SSPN: variants seen among roughly 807,000 people sequenced by gnomAD.
The protein encoded by SSPN is K-ras oncogene-associated protein.
In SSPN, 15 loss-of-function variants were observed where a neutral mutation model predicts 19.1. The ratio of observed to expected loss-of-function variants is 0.78; its 90% CI spans 0.52 to 1.21. The LOEUF (loss-of-function observed/expected upper bound fraction) is 1.21, where lower values mean the gene tolerates loss of function less well. Among genes scored for constraint, SSPN ranks in the 50% most tolerant of loss-of-function variants. SSPN has a pLI of 0.00. For synonymous variants in SSPN, 147 were observed against 140.3 expected (o/e 1.05, Z -0.34); for missense variants, 291 against 314.0 (o/e 0.93, Z 0.55).
rs1242934397 is a variant in SSPN at position 26,231,774 on chromosome 12, T to C, written c.*698T>C. 3.8e-6 allele frequency: 1 copy of C among 265,394 alleles called. No individual in the cohort carries two copies. Among genetic ancestry groups the C allele is most frequent in the Non-Finnish European group, 5.8e-6 (1 of 171,874 alleles). The allele number at this position is 265,394 out of a possible 1,614,324, so 16.4% of individuals were successfully genotyped here. A position where few individuals can be genotyped will look rare whatever the true frequency, so the allele number is the denominator to read the frequency against. ...CTCAATAATTGAAAGGTGGTGGTAG[T>C]TGTATTCTAAATGATGTAGAAGGTT... On this transcript the variant is annotated 3_prime_UTR_variant, in exon 3 of 3. Transcript: ENST00000242729.
At chr12:26,123,879 C>G (rs1944337383) in intron 1 of SSPN, 1 of 775,300 alleles carries the variant, frequency 1.3e-6, no homozygotes, top group Admixed American at 1.9e-5. Context: ...GAGCTTTCCA[C>G]AAGACAGGTT....
chr12:26,195,824 G>A lies in SSPN; in HGVS notation c.152G>A (p.Arg51Gln), dbSNP rs753216086. The change falls in exon 1 of 3, where the codon CGG becomes CAG. Residue 51 changes from arginine to glutamine, a missense_variant. Physicochemically the swap from Arg to Gln is conservative, Grantham distance 43 (BLOSUM62 1). This residue lies in a region of SSPN where 139 missense variants were observed against 119.6 expected (regional missense o/e 1.16). Coordinates refer to ENST00000242729, the MANE Select transcript of SSPN (RefSeq NM_005086.5). ...GAGCCCCGGACCTGCTGCGGCTGCCGGTTCCCGCTGCTGCTCGCCCTGCTG... is the reference window on the plus strand; with the variant it reads ...GAGCCCCGGACCTGCTGCGGCTGCCAGTTCCCGCTGCTGCTCGCCCTGCTG... ...EEEPRTCCGC[R>Q]FPLLLALLQL... 6.5e-7 allele frequency: 1 copy of A among 1,537,370 alleles called. No individual in the cohort carries two copies. The highest frequency in any genetic ancestry group is 2.0e-5 in the Admixed American group (1 of 49,736).
intron 1 of SSPN, among the ~76,000 whole-genome samples, chr12:26,203,338 T>G (rs1349703708): frequency 6.6e-6 from 1 of 152,196 alleles, no homozygotes; most frequent in Non-Finnish European, 1.5e-5. Context: ...AATCCAGAGC[T>G]GGATGGGACC....
chr12:26,163,032 C>CGTGTGTGTGTGTGTGTGT, intron 1 of SSPN, among the ~76,000 whole-genome samples: 1 of 146,062 alleles, frequency 6.8e-6, no homozygotes, highest in East Asian at 2.0e-4. Context: ...TGCTTCAAGA[C>CGTGTGTGTGTGTGTGTGT]GTGTGTGTGT....
chr12:26,206,076 C>T (rs992046027), intron 1 of SSPN, among the ~76,000 whole-genome samples: 1 of 152,122 alleles, frequency 6.6e-6, no homozygotes, highest in South Asian at 2.1e-4. Context: ...AAATCGTGTG[C>T]GTCACAAATT....
chr12:26,232,355 G>A lies in SSPN; in HGVS notation c.*1279G>A, dbSNP rs114782138. The stretch of plus-strand genomic sequence containing the variant: ...TTTAAAGCACAAATGCCCCAAGGTG[G>A]GGAGACTTCTCTCTGTGATTATTGT... On this transcript the variant is annotated 3_prime_UTR_variant, in exon 3 of 3. Transcript: ENST00000242729. 1,179 of 984,164 alleles carry A rather than the reference G, an allele frequency of 1.2e-3. 16 individuals carry two copies. The African/African-American group carries it at 0.02, about 16-fold the overall frequency. 61.0% of individuals were successfully genotyped at this position (984,164 alleles called of 1,614,324 possible).
At chr12:26,174,030 A>G (rs1305910382) in intron 1 of SSPN, among the ~76,000 whole-genome samples, 4 of 152,212 alleles carry the variant, frequency 2.6e-5, no homozygotes, top group Admixed American at 1.3e-4. Context: ...ATCCTATGAC[A>G]TGGAAGGCAA....
chr12:26,155,842 C>A (rs192379305), intron 1 of SSPN, among the ~76,000 whole-genome samples: 29 of 152,274 alleles, frequency 1.9e-4, no homozygotes, highest in Non-Finnish European at 3.5e-4. Flanking sequence ...CTGTTGTTAG[C>A]CCCAGTGAAC....
chr12:26,160,883 A>C (rs1944583912), intron 1 of SSPN, among the ~76,000 whole-genome samples: 1 of 151,916 alleles, frequency 6.6e-6, no homozygotes, highest in Non-Finnish European at 1.5e-5. Flanking sequence ...CAAGGGGGGC[A>C]GATCACTTGA....
intron 1 of SSPN, among the ~76,000 whole-genome samples, chr12:26,147,053 G>A (rs1944496282): frequency 6.6e-6 from 1 of 152,080 alleles, no homozygotes; most frequent in Non-Finnish European, 1.5e-5. Context: ...TTTCAGGTTG[G>A]TAGGGTTTGA....
At chr12:26,143,470 A>G (rs1338305612) in intron 1 of SSPN, among the ~76,000 whole-genome samples, 2 of 152,182 alleles carry the variant, frequency 1.3e-5, no homozygotes, top group Non-Finnish European at 2.9e-5. Flanking sequence ...GCGCAAGATT[A>G]CACAGTCAGT....
intron 1 of SSPN, among the ~76,000 whole-genome samples, chr12:26,182,199 G>A (rs1459950043): frequency 1.3e-5 from 2 of 152,140 alleles, no homozygotes; most frequent in African/African-American, 4.8e-5. Context: ...AGCCTCACTG[G>A]AGTCGTTACT....
upstream of SSPN, among the ~76,000 whole-genome samples, chr12:26,193,840 T>A (rs1179862955): frequency 1.3e-5 from 2 of 152,240 alleles, no homozygotes; most frequent in African/African-American, 4.8e-5. Context: ...TTTTTCTCAC[T>A]GGTCCAGATG....
intron 1 of SSPN, among the ~76,000 whole-genome samples, chr12:26,133,951 C>T (rs932182654): frequency 6.6e-6 from 1 of 152,178 alleles, no homozygotes; most frequent in Non-Finnish European, 1.5e-5. Flanking sequence ...GCCTTCTATC[C>T]CCCTCCACCA....
At chr12:26,127,853 A>G (rs1284414850) in intron 1 of SSPN, among the ~76,000 whole-genome samples, 2 of 152,170 alleles carry the variant, frequency 1.3e-5, no homozygotes, top group East Asian at 1.9e-4. Flanking sequence ...AATATTGGGC[A>G]TAGTTTGATG....
chr12:26,231,032 A>G lies in SSPN; in HGVS notation c.688A>G (p.Ile230Val). 6.2e-7 allele frequency: 1 copy of G among 1,614,182 alleles called. No homozygotes were observed. The highest frequency in any genetic ancestry group is 8.5e-7 in the Non-Finnish European group (1 of 1,180,026). ...CCAGGTCTTCTATGTGGGTGTCAGG[A>G]TATGCTCCCTCACGGCTTCCGAAGG... is the stretch of plus-strand genomic sequence containing the variant. Reference protein sequence around the residue: ...RYQVFYVGVRICSLTASEGPQ... With the variant: ...RYQVFYVGVRVCSLTASEGPQ... The change falls in exon 3 of 3, where the codon ATA becomes GTA. Residue 230 changes from isoleucine to valine, a missense_variant. Ile to Val is a conservative substitution (Grantham distance 29, BLOSUM62 3). This residue lies in a region of SSPN where 141 missense variants were observed against 166.7 expected (regional missense o/e 0.85). Coordinates refer to ENST00000242729, the MANE Select transcript of SSPN (RefSeq NM_005086.5).
chr12:26,184,623 A>G (rs185654348), intron 1 of SSPN, among the ~76,000 whole-genome samples: 1 of 152,318 alleles, frequency 6.6e-6, no homozygotes, highest in Non-Finnish European at 1.5e-5. Flanking sequence ...AAATTAACAT[A>G]AATTGGAAAT....
intron 1 of SSPN, among the ~76,000 whole-genome samples, chr12:26,137,783 G>C (rs956989625): frequency 6.8e-6 from 1 of 147,616 alleles, no homozygotes; most frequent in Non-Finnish European, 1.5e-5. Context: ...TCCTACCTCA[G>C]CCTCCCGAGT....
intron 1 of SSPN, among the ~76,000 whole-genome samples, chr12:26,162,540 A>G (rs1320690651): frequency 6.6e-6 from 1 of 152,234 alleles, no homozygotes; most frequent in Admixed American, 6.5e-5. Flanking sequence ...GGAGCTGAGG[A>G]AAGTAAAGCT....
Sources: gnomAD v4.1 joint callset for allele counts (sites outside exome capture counted in the v4.1 genomes callset) on GRCh38, gnomAD v4.1.1 for gene constraint, gnomAD v4.1.1 regional missense constraint, MANE v1.5 for transcripts, NCBI Gene and HGNC (gene_info 2026-07-23, HGNC 2026-07-21) for gene names.